The following SOCS2 variants were observed in gnomAD, a reference collection of about 807,000 sequenced individuals.
The protein encoded by SOCS2 is CIS-2.
SOCS2 carries 10 observed loss-of-function variants against 18.6 expected under a neutral mutation model. That is an observed-to-expected ratio of 0.54 (90% CI 0.33 to 0.91). SOCS2 has a LOEUF of 0.91. Ranked by LOEUF, SOCS2 falls within the 40% of genes least tolerant of loss-of-function variation. SOCS2 has a pLI of 0.02. For synonymous variants in SOCS2, 104 were observed against 104.0 expected, an observed-to-expected ratio of 1.00 and a Z score of 0.00; for missense variants, 231 against 247.2, an observed-to-expected ratio of 0.93 and a Z score of 0.44.
the SOCS2 span, among the ~76,000 whole-genome samples, chr12:93,603,071 C>T: frequency 2.6e-5 from 4 of 152,252 alleles, no homozygotes; most frequent in Non-Finnish European, 4.4e-5. Context: ...AACCTTGGTC[C>T]GAGACCAAGT....
At chr12:93,577,932 T>C (rs946221270), downstream of SOCS2, among the ~76,000 whole-genome samples, 1 of 152,204 alleles carries the variant, frequency 6.6e-6, no homozygotes, top group Non-Finnish European at 1.5e-5. Context: ...TTTCTCCCAA[T>C]GTAGGGCAAT....
At chr12:93,598,546 G>T in the SOCS2 span, among the ~76,000 whole-genome samples, 1 of 152,174 alleles carries the variant, frequency 6.6e-6, no homozygotes, top group Non-Finnish European at 1.5e-5. Flanking sequence ...CAGAGGGATG[G>T]TGATACCTTC....
chr12:93,614,488 C>T, the SOCS2 span, among the ~76,000 whole-genome samples: 617 of 28,568 alleles, frequency 0.022, 50 homozygotes, highest in African/African-American at 0.098. Context: ...CCTTTCCTTC[C>T]TTCCTTCCTT....
the SOCS2 span, among the ~76,000 whole-genome samples, chr12:93,621,551 A>C: frequency 1.3e-5 from 2 of 152,136 alleles, no homozygotes; most frequent in Non-Finnish European, 2.9e-5. Context: ...ATCATAGCTC[A>C]CTGCAGCCTC....
At chr12:93,606,582 A>T in the SOCS2 span, among the ~76,000 whole-genome samples, 2 of 152,000 alleles carry the variant, frequency 1.3e-5, no homozygotes, top group Non-Finnish European at 2.9e-5. Context: ...TGATTTCATC[A>T]CACCTTTTAA....
the SOCS2 span, among the ~76,000 whole-genome samples, chr12:93,602,158 T>C: frequency 1.3e-5 from 2 of 152,190 alleles, no homozygotes; most frequent in Non-Finnish European, 2.9e-5. Context: ...AGTGGCGCGA[T>C]CACAGCTGCC....
At chr12:93,601,343 C>T in the SOCS2 span, among the ~76,000 whole-genome samples, 7 of 151,762 alleles carry the variant, frequency 4.6e-5, no homozygotes, top group South Asian at 2.1e-4. Context: ...GGTGTGGTCT[C>T]GGCTCACTGC....
chr12:93,597,855 C>A, the SOCS2 span, among the ~76,000 whole-genome samples: 1 of 152,282 alleles, frequency 6.6e-6, no homozygotes, highest in Non-Finnish European at 1.5e-5. Flanking sequence ...TATTGTATAT[C>A]CTTCCTGTCC....
the SOCS2 span, among the ~76,000 whole-genome samples, chr12:93,611,237 T>G: frequency 1.7e-3 from 257 of 152,238 alleles, no homozygotes; most frequent in African/African-American, 5.9e-3. Context: ...AAAATGATTT[T>G]TTTTTCTTTT....
the SOCS2 span, among the ~76,000 whole-genome samples, chr12:93,620,495 A>C: frequency 8.6e-5 from 13 of 151,962 alleles, no homozygotes; most frequent in African/African-American, 3.1e-4. Flanking sequence ...GACTCACTGC[A>C]ACCTCCACCT....
At chr12:93,570,113 G>C (rs1954193765), upstream of SOCS2, 1 of 152,150 alleles carries the variant, frequency 6.6e-6, no homozygotes. Flanking sequence ...CCCAGCCCTG[G>C]GGCGTCAGCC....
At chr12:93,602,034 A>G in the SOCS2 span, among the ~76,000 whole-genome samples, 28 of 152,320 alleles carry the variant, frequency 1.8e-4, no homozygotes, top group East Asian at 4.0e-3. Flanking sequence ...TAGACATATT[A>G]CAGATTGCAA....
upstream of SOCS2, chr12:93,571,803 T>C (rs1409610282): frequency 2.9e-5 from 12 of 407,224 alleles, no homozygotes; most frequent in Non-Finnish European, 5.4e-5. Context: ...CAGACGCCCC[T>C]CCTCTCCCGG....
chr12:93,613,906 T>G, the SOCS2 span, among the ~76,000 whole-genome samples: 21,743 of 151,978 alleles, frequency 0.14, 2,538 homozygotes, highest in African/African-American at 0.3. Flanking sequence ...TAAAAAGAAA[T>G]TTAAAGCTGG....
the SOCS2 span, among the ~76,000 whole-genome samples, chr12:93,614,480 T>TTCC: frequency 8.6e-3 from 224 of 26,076 alleles, 24 homozygotes; most frequent in East Asian, 0.041. Context: ...CCTTCCTTCC[T>TTCC]TTCCTTCCTT....
At chr12:93,605,996 C>T in the SOCS2 span, among the ~76,000 whole-genome samples, 1 of 152,228 alleles carries the variant, frequency 6.6e-6, no homozygotes, top group East Asian at 1.9e-4. Flanking sequence ...ACTCACATGA[C>T]AGTCTGGACA....
chr12:93,595,125 G>A, the SOCS2 span, among the ~76,000 whole-genome samples: 1 of 152,078 alleles, frequency 6.6e-6, no homozygotes, highest in African/African-American at 2.4e-5. Context: ...CATTTGTGAG[G>A]GGACGGGGGG....
At chr12:93,612,142 T>C in the SOCS2 span, among the ~76,000 whole-genome samples, 7 of 152,316 alleles carry the variant, frequency 4.6e-5, no homozygotes, top group African/African-American at 1.4e-4. Flanking sequence ...TAAAAGGATG[T>C]ATCTAAACTG....
chr12:93,582,879 C>G, intron 1 of SOCS2: 1 of 152,116 alleles, frequency 6.6e-6, no homozygotes, highest in African/African-American at 2.4e-5. Context: ...AGAGGAGAGG[C>G]AGGCTCCACC....
Sources: gnomAD v4.1 joint callset for allele counts (sites outside exome capture counted in the v4.1 genomes callset) on GRCh38, gnomAD v4.1.1 for gene constraint, MANE v1.5 for transcripts, NCBI Gene and HGNC (gene_info 2026-07-23, HGNC 2026-07-21) for gene names.